WDFY3: variants seen among roughly 807,000 people sequenced by gnomAD.
The protein encoded by WDFY3 is WD repeat and FYVE domain-containing protein 3.
A neutral mutation model predicts 409.6 loss-of-function variants in WDFY3; 66 were observed. That is an observed-to-expected ratio of 0.16 (90% confidence interval 0.13 to 0.20). The LOEUF is 0.20. Ranked by LOEUF, WDFY3 falls within the 10% of genes least tolerant of loss-of-function variation. The pLI, the probability that WDFY3 is intolerant of heterozygous loss-of-function variation, is 1.00. For missense variants in WDFY3, 3,031 were observed against 4,298.1 expected (o/e 0.71, Z 8.24); for synonymous variants, 1,521 against 1,537.1 (o/e 0.99, Z 0.25).
intron 4 of WDFY3, among the ~76,000 whole-genome samples, chr4:84,859,829 C>T (rs957876460): frequency 2.0e-5 from 3 of 152,188 alleles, no homozygotes; most frequent in African/African-American, 7.2e-5. Context: ...CCTGCCTTGG[C>T]TTCCTAAAGT....
At chr4:84,817,290 G>C in intron 13 of WDFY3, 102 bp downstream of exon 13, 2 of 1,439,814 alleles carry the variant, frequency 1.4e-6, no homozygotes, top group South Asian at 1.3e-5. Flanking sequence ...TGGGTAATTT[G>C]GATTTTTTTT....
intron 36 of WDFY3, 29 bp downstream of exon 36, chr4:84,751,454 G>A (rs1464101801): frequency 6.2e-7 from 1 of 1,601,530 alleles, no homozygotes; most frequent in South Asian, 1.1e-5. Context: ...TAATGCAAAA[G>A]AGATGTAAAT....
Position 84,751,468 on chromosome 4 carries a change from T to C in WDFY3, c.5973+15A>G, listed in dbSNP as rs745826674. On this transcript the variant is annotated intron_variant, in intron 36 of 67. Transcript: ENST00000295888. ...GTAATGCAAAAGAGATGTAAATGCG[T>C]TTCTTTTTCTTTACCTCCAACAAAA... 72 of 1,612,468 alleles carry C rather than the reference T, an allele frequency of 4.5e-5. No individual in the cohort carries two copies. Among genetic ancestry groups the C allele is most frequent in the Non-Finnish European group, 5.1e-5 (60 of 1,178,674 alleles).
At chr4:84,873,443 T>C (rs1341015776) in intron 3 of WDFY3, among the ~76,000 whole-genome samples, 3 of 152,160 alleles carry the variant, frequency 2.0e-5, no homozygotes, top group Admixed American at 2.0e-4. Context: ...TTGAACTAAA[T>C]GAAAATACAA....
chr4:84,818,631 G>A (rs1213308880), intron 12 of WDFY3, among the ~76,000 whole-genome samples: 1 of 152,058 alleles, frequency 6.6e-6, no homozygotes, highest in Non-Finnish European at 1.5e-5. Context: ...TGGAATTTGT[G>A]ACATCCTTTC....
chr4:84,907,813 G>A (rs1208481001), intron 2 of WDFY3, among the ~76,000 whole-genome samples: 1 of 152,108 alleles, frequency 6.6e-6, no homozygotes, highest in African/African-American at 2.4e-5. Flanking sequence ...GGATAGACGG[G>A]ATATACAAGA....
intron 3 of WDFY3, among the ~76,000 whole-genome samples, chr4:84,865,678 A>G (rs1232241619): frequency 6.6e-6 from 1 of 152,172 alleles, no homozygotes; most frequent in Non-Finnish European, 1.5e-5. Context: ...TTCTTTTCCA[A>G]GTTGAGCCGA....
chr4:84,716,300 G>A (rs1286289184), intron 49 of WDFY3, among the ~76,000 whole-genome samples: 3 of 151,420 alleles, frequency 2.0e-5, no homozygotes, highest in East Asian at 2.0e-4. Context: ...TTAGCTGGGC[G>A]TGGTGGCAGG....
At chr4:84,766,059 A>G in intron 31 of WDFY3, 32 bp from the exon 32 acceptor site, 1 of 1,585,668 alleles carries the variant, frequency 6.3e-7, no homozygotes, top group Non-Finnish European at 8.6e-7. Flanking sequence ...AAAAAACAAA[A>G]AACAAAATTA....
intron 48 of WDFY3, among the ~76,000 whole-genome samples, 158 bp from the exon 49 acceptor site, chr4:84,717,174 A>T (rs540782111): frequency 4.6e-5 from 7 of 152,356 alleles, no homozygotes; most frequent in Middle Eastern, 3.4e-3. Flanking sequence ...AGAATTTGTT[A>T]GCTACCTGAG....
chr4:84,720,472 T>G (rs569596930), intron 47 of WDFY3, among the ~76,000 whole-genome samples: 5 of 152,124 alleles, frequency 3.3e-5, no homozygotes, highest in Non-Finnish European at 7.4e-5. Flanking sequence ...ACATCTCATG[T>G]TGAAATGTGA....
intron 27 of WDFY3, among the ~76,000 whole-genome samples, chr4:84,777,767 T>C (rs1745796031): frequency 1.3e-5 from 2 of 152,000 alleles, no homozygotes; most frequent in Admixed American, 1.3e-4. Flanking sequence ...ACAAAGAAGA[T>C]AAACATGATT....
chr4:84,937,412 T>C (rs566765026), intron 1 of WDFY3, among the ~76,000 whole-genome samples: 2 of 152,222 alleles, frequency 1.3e-5, no homozygotes, highest in East Asian at 3.9e-4. Flanking sequence ...TTAGCCTTCT[T>C]CTCTAACCCA....
At chr4:84,933,879 A>G (rs1211469513) in intron 1 of WDFY3, among the ~76,000 whole-genome samples, 5 of 152,152 alleles carry the variant, frequency 3.3e-5, no homozygotes, top group Admixed American at 2.0e-4. Flanking sequence ...ATGGCTGAAT[A>G]GTATTCCAAT....
At chr4:84,717,155 T>C (rs1446776999) in intron 48 of WDFY3, 139 bp from the exon 49 acceptor site, 1 of 998,654 alleles carries the variant, frequency 1.0e-6, no homozygotes, top group Non-Finnish European at 1.3e-6. Flanking sequence ...AAAAAATATA[T>C]TTACAAGAAG....
chr4:84,699,372 T>G (rs1730705560), intron 56 of WDFY3, among the ~76,000 whole-genome samples: 1 of 152,232 alleles, frequency 6.6e-6, no homozygotes, highest in Non-Finnish European at 1.5e-5. Context: ...TCAATCACAT[T>G]GTAGAGTTTA....
chr4:84,928,880 A>G (rs1349338002), intron 2 of WDFY3, among the ~76,000 whole-genome samples: 1 of 152,184 alleles, frequency 6.6e-6, no homozygotes, highest in East Asian at 1.9e-4. Context: ...GGACCAAAAC[A>G]TATCTCATTT....
chr4:84,902,029 C>A (rs1181623440), intron 2 of WDFY3, among the ~76,000 whole-genome samples: 1 of 152,206 alleles, frequency 6.6e-6, no homozygotes, highest in Admixed American at 6.5e-5. Context: ...AAAGGCATGG[C>A]TTATATCACA....
intron 36 of WDFY3, among the ~76,000 whole-genome samples, chr4:84,748,204 T>C (rs1308497799): frequency 6.6e-6 from 1 of 152,216 alleles, no homozygotes; most frequent in East Asian, 1.9e-4. Flanking sequence ...GGCACCCTTG[T>C]AGAAGCCAAC....
Sources: allele counts gnomAD v4.1 joint callset (sites outside exome capture counted in the v4.1 genomes callset), GRCh38; gene constraint gnomAD v4.1.1; transcripts MANE v1.5; gene names NCBI Gene and HGNC (gene_info 2026-07-23, HGNC 2026-07-21).